WDR72: variants seen among roughly 807,000 people sequenced by gnomAD.
WDR72 encodes WD repeat-containing protein 72.
In WDR72, 120 loss-of-function variants were observed where a neutral mutation model predicts 124.2. That is an observed-to-expected ratio of 0.97 (90% CI 0.83 to 1.12). WDR72 has a LOEUF of 1.12. Ranked by LOEUF, WDR72 falls within the 50% of genes most tolerant of loss-of-function variation. The pLI is 0.00. For synonymous variants in WDR72, 452 were observed against 441.7 expected (o/e 1.02, Z -0.29); for missense variants, 1,387 against 1,278.8 (o/e 1.08, Z -1.29).
intron 13 of WDR72, among the ~76,000 whole-genome samples, chr15:53,686,783 T>G (rs536706548): frequency 0.015 from 2,167 of 148,032 alleles, 20 homozygotes; most frequent in East Asian, 0.044. Context: ...ACACCACACC[T>G]ATTCCAAAAT....
intron 12 of WDR72, among the ~76,000 whole-genome samples, chr15:53,701,559 T>TCTCTCACA (rs369568228): frequency 1.3e-4 from 16 of 120,164 alleles, no homozygotes; most frequent in South Asian, 3.2e-4. Flanking sequence ...TCTCTCTCTC[T>TCTCTCACA]CACACACACA....
chr15:53,681,514 A>G (rs2140480190), intron 13 of WDR72, among the ~76,000 whole-genome samples: 1 of 152,316 alleles, frequency 6.6e-6, no homozygotes, highest in South Asian at 2.1e-4. Context: ...ACTCAATCCA[A>G]AAGTGTAATC....
Position 53,692,393 on chromosome 15 carries a change from A to C in WDR72, c.1765+7357T>G, listed in dbSNP as rs1336450043. The stretch of plus-strand genomic sequence containing the variant: ...AGGAGTTAAGGAGTCAGGAATAATG[A>C]ATCCTTAGTACACACTAGTACAGTA... On this transcript the variant is annotated intron_variant, in intron 13 of 19. Transcript: ENST00000360509. 3.3e-5 allele frequency among the ~76,000 whole-genome samples: 5 copies of C among 152,326 alleles called. No individual in the cohort carries two copies. In the East Asian group the frequency reaches 9.6e-4, roughly 29 times the overall value.
intron 14 of WDR72, among the ~76,000 whole-genome samples, chr15:53,647,028 T>C (rs1207999121): frequency 6.6e-6 from 1 of 152,124 alleles, no homozygotes; most frequent in East Asian, 1.9e-4. Flanking sequence ...ATTAGTCCTA[T>C]GGCAGAGACT....
chr15:53,662,846 C>T (rs1329079539), intron 14 of WDR72, among the ~76,000 whole-genome samples: 1 of 152,012 alleles, frequency 6.6e-6, no homozygotes, highest in African/African-American at 2.4e-5. Flanking sequence ...AGGAGGATCA[C>T]CTAAGGCAAG....
chr15:53,601,177 A>C (rs1243657187), intron 17 of WDR72, among the ~76,000 whole-genome samples: 1 of 152,186 alleles, frequency 6.6e-6, no homozygotes, highest in Non-Finnish European at 1.5e-5. Context: ...GAAACCCTGC[A>C]TGCCAGAAGA....
At chr15:53,598,247 GCT>G (rs2012872746) in intron 17 of WDR72, among the ~76,000 whole-genome samples, 3 of 151,534 alleles carry the variant, frequency 2.0e-5, no homozygotes, top group African/African-American at 7.3e-5. Context: ...CTTTCATATA[GCT>G]ACATCCCAGT....
Position 53,714,485 on chromosome 15 carries a change from T to G in WDR72, c.540A>C (p.Val180=). 6.2e-7 allele frequency: 1 copy of G among 1,613,868 alleles called. No homozygotes were observed. Among genetic ancestry groups the G allele is most frequent in the Non-Finnish European group, 8.5e-7 (1 of 1,179,850 alleles). The change falls in exon 6 of 20, where the codon GTA becomes GTC. Residue 180 remains valine (V), a synonymous_variant. Transcript: ENST00000360509. The part of the protein sequence containing the change: ...IQEDSLLVVS[V]AGELKVWDLS... ...GATCCCATACTTTGAGCTCACCAGC[T>G]ACTGATACCACCAAGAGAGAATCTT...
At chr15:53,601,599 G>A (rs148376647) in intron 17 of WDR72, among the ~76,000 whole-genome samples, 195 of 146,526 alleles carry the variant, frequency 1.3e-3, no homozygotes, top group African/African-American at 5.0e-3. Context: ...TCGGTATGTC[G>A]TCTTCAAGAT....
Position 53,748,034 on chromosome 15 carries a change from C to T in WDR72, c.-13+11599G>A, listed in dbSNP as rs1036243941. Among the ~76,000 whole-genome samples, 14 of 150,522 alleles carry T rather than the reference C, an allele frequency of 9.3e-5. 1 individual carries two copies. The highest frequency in any genetic ancestry group is 1.2e-4 in the Non-Finnish European group (8 of 67,844). Reference sequence around the variant, plus strand: ...TAACATAAACAAAAAATACCATTGTCCTAGACCATTCTTAAGTAAATTCAA... The same window carrying T: ...TAACATAAACAAAAAATACCATTGTTCTAGACCATTCTTAAGTAAATTCAA... On this transcript the variant is annotated intron_variant, in intron 1 of 19. Transcript: ENST00000360509.
At chr15:53,610,821 G>A in intron 16 of WDR72, among the ~76,000 whole-genome samples, 1 of 152,030 alleles carries the variant, frequency 6.6e-6, no homozygotes, top group East Asian at 1.9e-4. Flanking sequence ...CATGAACACA[G>A]CAGGTAAGAG....
intron 13 of WDR72, among the ~76,000 whole-genome samples, chr15:53,688,579 G>C (rs2016726899): frequency 6.6e-6 from 1 of 152,102 alleles, no homozygotes; most frequent in South Asian, 2.1e-4. Context: ...CAAACAAATG[G>C]AAGAACATTC....
At position 53,714,181 on chromosome 15, in the gene WDR72, C is replaced by CTGTGTGTGTG. The variant is rs147902451; in HGVS notation, c.591+243_591+252dup. 8.0e-3 allele frequency among the ~76,000 whole-genome samples: 1,205 copies of CTGTGTGTGTG among 150,424 alleles called. 10 individuals are homozygous for CTGTGTGTGTG. The highest frequency in any genetic ancestry group is 0.017 in the African/African-American group (685 of 40,844). On this transcript the variant is annotated intron_variant, in intron 6 of 19. Transcript: ENST00000360509. ...TTAAAAGATTAAAAATGTAATCTTT[C>CTGTGTGTGTG]TGTGTGTGTGTGTGTGTGTGTGTAA...
chr15:53,738,099 A>C (rs1254252619), intron 1 of WDR72, among the ~76,000 whole-genome samples: 1 of 152,228 alleles, frequency 6.6e-6, no homozygotes, highest in Non-Finnish European at 1.5e-5. Flanking sequence ...GCTACCAAGA[A>C]AACATAATAT....
At chr15:53,609,063 G>A (rs916581792) in intron 17 of WDR72, among the ~76,000 whole-genome samples, 3 of 151,976 alleles carry the variant, frequency 2.0e-5, no homozygotes, top group Non-Finnish European at 4.4e-5. Context: ...CATTCTCTGT[G>A]ATGTGATAAT....
intron 13 of WDR72, among the ~76,000 whole-genome samples, chr15:53,678,047 A>T (rs959395713): frequency 1.3e-5 from 2 of 152,270 alleles, no homozygotes; most frequent in Middle Eastern, 3.4e-3. Flanking sequence ...TTACATTTCT[A>T]CCAGAGATTA....
chr15:53,571,149 TGGGGGAAAGAG>T (rs1894511382), intron 18 of WDR72, among the ~76,000 whole-genome samples: 1 of 151,792 alleles, frequency 6.6e-6, no homozygotes, highest in East Asian at 1.9e-4. Flanking sequence ...AAATGGGTGG[TGGGGGAAAGAG>T]GGGAGAAAGT....
intron 11 of WDR72, among the ~76,000 whole-genome samples, chr15:53,704,132 T>C (rs1465029454): frequency 6.6e-6 from 1 of 152,206 alleles, no homozygotes; most frequent in Admixed American, 6.5e-5. Flanking sequence ...TGTACAGATA[T>C]GCTCACATAT....
intron 9 of WDR72, among the ~76,000 whole-genome samples, chr15:53,710,041 C>A (rs1048760885): frequency 1.3e-5 from 2 of 152,130 alleles, no homozygotes; most frequent in Non-Finnish European, 2.9e-5. Context: ...TGAAAGAAAA[C>A]AACTGCTTAA....
Sources: allele counts gnomAD v4.1 joint callset (sites outside exome capture counted in the v4.1 genomes callset), GRCh38; gene constraint gnomAD v4.1.1; transcripts MANE v1.5; gene names NCBI Gene and HGNC (gene_info 2026-07-23, HGNC 2026-07-21).